The following MRPL48 variants were observed in gnomAD, a reference collection of about 807,000 sequenced individuals.
The protein encoded by MRPL48 is large ribosomal subunit protein mL48.
In MRPL48, 16 loss-of-function variants were observed where a neutral mutation model predicts 32.9. The ratio of observed to expected loss-of-function variants is 0.49; its 90% CI spans 0.33 to 0.74. MRPL48 has a LOEUF of 0.74. MRPL48 is among the 30% of genes least tolerant of loss of function. The probability of loss-of-function intolerance (pLI) is 0.02; values close to 1 mark genes in which losing one functional copy is unlikely to be tolerated. For missense variants in MRPL48, 206 were observed against 245.3 expected, an observed-to-expected ratio of 0.84 and a Z score of 1.07; for synonymous variants, 94 against 89.2, an observed-to-expected ratio of 1.05 and a Z score of -0.31.
At chr11:73,821,420 A>G (rs536264636) in intron 3 of MRPL48, among the ~76,000 whole-genome samples, 21 of 152,274 alleles carry the variant, frequency 1.4e-4, no homozygotes, top group African/African-American at 4.8e-4. Flanking sequence ...GGTGTCTGGG[A>G]TATCATTAGT....
chr11:73,825,775 G>A lies in MRPL48; in HGVS notation c.180G>A (p.Lys60=), dbSNP rs1446752022. 12 of 1,566,302 alleles carry A rather than the reference G, an allele frequency of 7.7e-6. No individual in the cohort carries two copies. The highest frequency in any genetic ancestry group is 3.8e-5 in the Admixed American group (2 of 52,502). Residue 60 remains lysine, a synonymous_variant, in exon 4 of 8, where the codon AAG becomes AAA. Transcript: ENST00000310614. Reference sequence around the variant, plus strand: ...CCACCCACGGCATTGGAAAGTACAAGCACTTAATTAAAGCAGAAGAGGTAA... The same window carrying A: ...CCACCCACGGCATTGGAAAGTACAAACACTTAATTAAAGCAGAAGAGGTAA... ...TKPTHGIGKY[K]HLIKAEEPKK...
chr11:73,816,347 A>G (rs2134989363), intron 3 of MRPL48, among the ~76,000 whole-genome samples: 1 of 122,710 alleles, frequency 8.1e-6, no homozygotes, highest in Admixed American at 8.5e-5. Flanking sequence ...GGCGTGAGCC[A>G]CCGTGCCCGG....
chr11:73,821,823 C>T (rs1045486172), intron 3 of MRPL48, among the ~76,000 whole-genome samples: 1 of 152,204 alleles, frequency 6.6e-6, no homozygotes, highest in South Asian at 2.1e-4. Flanking sequence ...GTTGGTTGTA[C>T]ACTGCACAAC....
At chr11:73,811,781 A>G (rs895128975) in intron 3 of MRPL48, among the ~76,000 whole-genome samples, 1 of 152,238 alleles carries the variant, frequency 6.6e-6, no homozygotes, top group Non-Finnish European at 1.5e-5. Context: ...CCAACCTAAT[A>G]CTATTAAAAT....
chr11:73,847,951 A>G (rs970583396), intron 5 of MRPL48, among the ~76,000 whole-genome samples: 9 of 152,146 alleles, frequency 5.9e-5, no homozygotes, highest in African/African-American at 2.2e-4. Flanking sequence ...TTGTCCTCTT[A>G]ACAGTATGTC....
intron 6 of MRPL48, among the ~76,000 whole-genome samples, chr11:73,862,459 C>G (rs922852799): frequency 1.3e-5 from 2 of 151,984 alleles, no homozygotes; most frequent in African/African-American, 4.8e-5. Flanking sequence ...ATTAGCCAGG[C>G]ATGGTGGCAG....
At chr11:73,825,201 T>A (rs1612990) in intron 3 of MRPL48, among the ~76,000 whole-genome samples, 1 of 152,138 alleles carries the variant, frequency 6.6e-6, no homozygotes, top group Non-Finnish European at 1.5e-5. Flanking sequence ...TTATTAATAT[T>A]TGATTTCTAG....
intron 1 of MRPL48, among the ~76,000 whole-genome samples, chr11:73,802,918 A>G (rs1030538287): frequency 1.3e-5 from 2 of 151,848 alleles, no homozygotes; most frequent in South Asian, 4.2e-4. Flanking sequence ...GCTGGTCTCA[A>G]AATCCTAGGC....
At chr11:73,832,277 A>G (rs375900477) in intron 4 of MRPL48, 2 of 152,298 alleles carry the variant, frequency 1.3e-5, no homozygotes, top group East Asian at 1.9e-4. Context: ...TGGAAACTTC[A>G]TGCTGTTTTT....
At chr11:73,845,317 G>A (rs931869501) in intron 5 of MRPL48, among the ~76,000 whole-genome samples, 1 of 152,144 alleles carries the variant, frequency 6.6e-6, no homozygotes. Flanking sequence ...TAATGTGTCT[G>A]ACATTCTTTC....
intron 2 of MRPL48, among the ~76,000 whole-genome samples, chr11:73,806,215 T>C (rs541410034): frequency 2.0e-5 from 3 of 152,190 alleles, no homozygotes; most frequent in South Asian, 2.1e-4. Flanking sequence ...TGGTATCCCA[T>C]CTTACTCAAA....
chr11:73,801,001 A>C (rs1723833), intron 1 of MRPL48, among the ~76,000 whole-genome samples: 1 of 151,500 alleles, frequency 6.6e-6, no homozygotes, highest in Non-Finnish European at 1.5e-5. Flanking sequence ...AGTAGAGACG[A>C]GGTTTCTCCA....
intron 3 of MRPL48, among the ~76,000 whole-genome samples, chr11:73,810,722 G>A (rs760457661): frequency 7.9e-5 from 11 of 138,566 alleles, no homozygotes; most frequent in Non-Finnish European, 9.2e-5. Flanking sequence ...CCCACCCCCC[G>A]AGAGGCCCTG....
chr11:73,858,574 C>T (rs976890746), intron 5 of MRPL48, among the ~76,000 whole-genome samples: 2 of 152,208 alleles, frequency 1.3e-5, no homozygotes, highest in East Asian at 1.9e-4. Flanking sequence ...CGCGCCTGGC[C>T]TATTACACTA....
At chr11:73,803,360 G>A (rs1947391543) in intron 1 of MRPL48, among the ~76,000 whole-genome samples, 1 of 151,948 alleles carries the variant, frequency 6.6e-6, no homozygotes, top group Non-Finnish European at 1.5e-5. Flanking sequence ...TGAACTCCTG[G>A]CCTCAAGTGA....
chr11:73,805,051 A>G lies in MRPL48; in HGVS notation c.46A>G (p.Ile16Val), dbSNP rs757207547. The G allele has an allele frequency of 1.3e-6, 2 of 1,588,566 alleles. No individual in the cohort carries two copies. Among genetic ancestry groups the G allele is most frequent in the Non-Finnish European group, 1.7e-6 (2 of 1,166,360 alleles). The change falls in exon 2 of 8, where the codon ATT (isoleucine) becomes GTT (valine). Residue 16 changes from isoleucine to valine, a missense_variant. By Grantham distance (29) the Ile-to-Val change is conservative. Coordinates refer to ENST00000310614, the MANE Select transcript of MRPL48 (RefSeq NM_016055.6). Reference sequence around the variant, plus strand: ...GGTGCTGTGCCTGAGGAACAATACCATTTTTAAGCAAGCCTTTTCTCTCTT... The same window carrying G: ...GGTGCTGTGCCTGAGGAACAATACCGTTTTTAAGCAAGCCTTTTCTCTCTT... ...EKVLCLRNNTIFKQAFSLLRF... is the reference protein window; with the variant it reads ...EKVLCLRNNTVFKQAFSLLRF...
chr11:73,802,530 T>A (rs1017734786), intron 1 of MRPL48, among the ~76,000 whole-genome samples: 2 of 152,246 alleles, frequency 1.3e-5, no homozygotes, highest in Admixed American at 1.3e-4. Context: ...TCTCCATAGA[T>A]TTCACTATTC....
chr11:73,832,069 A>T lies in MRPL48; in HGVS notation c.201+6273A>T, dbSNP rs143775495. Among the ~76,000 whole-genome samples, 446 of 152,182 alleles carry T rather than the reference A, an allele frequency of 2.9e-3. 2 individuals are homozygous for T. Among genetic ancestry groups the T allele is most frequent in the South Asian group, 0.012 (57 of 4,820 alleles). Reference sequence around the variant, plus strand: ...TTGTCCAGCTTCCAGTCTTGGGGTAATGGCAGCTTAATAATCTGAAAATTG... The same window carrying T: ...TTGTCCAGCTTCCAGTCTTGGGGTATTGGCAGCTTAATAATCTGAAAATTG... On this transcript the variant is annotated intron_variant, in intron 4 of 7. Coordinates refer to ENST00000310614, the MANE Select transcript of MRPL48 (RefSeq NM_016055.6).
chr11:73,848,818 A>T (rs1166549033), intron 5 of MRPL48, among the ~76,000 whole-genome samples: 1 of 146,704 alleles, frequency 6.8e-6, no homozygotes. Flanking sequence ...TCCCTTTGTA[A>T]TTTTTTTTTT....
Sources: gnomAD v4.1 joint callset for allele counts (sites outside exome capture counted in the v4.1 genomes callset) on GRCh38, gnomAD v4.1.1 for gene constraint, MANE v1.5 for transcripts, NCBI Gene and HGNC (gene_info 2026-07-23, HGNC 2026-07-21) for gene names.